Variants in ZGRF1 observed in about 807,000 individuals in gnomAD.
ZGRF1 encodes 5'-3' DNA helicase ZGRF1.
In ZGRF1, 196 loss-of-function variants were observed where a neutral mutation model predicts 203.5. The observed-to-expected ratio is 0.96, with a 90% confidence interval of 0.86 to 1.08. The LOEUF is 1.08. Among genes scored for constraint, ZGRF1 ranks in the 50% least tolerant of loss-of-function variants. The pLI, the probability that ZGRF1 is intolerant of heterozygous loss-of-function variation, is 0.00. For synonymous variants in ZGRF1, 809 were observed against 841.3 expected (o/e 0.96, Z 0.66); for missense variants, 2,326 against 2,416.3 (o/e 0.96, Z 0.78).
intron 24 of ZGRF1, 57 bp from the exon 25 acceptor site, chr4:112,541,325 G>T: frequency 1.1e-6 from 1 of 932,570 alleles, no homozygotes; most frequent in Non-Finnish European, 1.6e-6. Flanking sequence ...TCTAGGGAAA[G>T]AAAATTATAT....
intron 16 of ZGRF1, among the ~76,000 whole-genome samples, chr4:112,570,234 C>T (rs1040458157): frequency 6.6e-6 from 1 of 151,986 alleles, no homozygotes; most frequent in African/African-American, 2.4e-5. Context: ...TTGTACTATG[C>T]CATTAAAAAA....
chr4:112,619,875 C>G (rs569455498), intron 5 of ZGRF1, 127 bp downstream of exon 5: 6 of 909,870 alleles, frequency 6.6e-6, no homozygotes, highest in African/African-American at 3.4e-5. Context: ...GGGTTTACTT[C>G]CTTTCTACCT....
chr4:112,556,770 A>C (rs1042412360), intron 20 of ZGRF1, among the ~76,000 whole-genome samples: 3 of 152,248 alleles, frequency 2.0e-5, no homozygotes, highest in Non-Finnish European at 4.4e-5. Flanking sequence ...TATATTTAAA[A>C]ATCTGTAAAT....
Position 112,549,113 on chromosome 4 carries a change from C to CAAAAAAAAAAAAA in ZGRF1, c.5347-746_5347-734dup, listed in dbSNP as rs771730607. 1.1e-3 allele frequency among the ~76,000 whole-genome samples: 18 copies of CAAAAAAAAAAAAA among 16,808 alleles called. 2 individuals carry two copies. The highest frequency in any genetic ancestry group is 1.5e-3 in the Non-Finnish European group (14 of 9,468). The allele number at this position is 16,808 out of a possible 152,430, so 11.0% of individuals were successfully genotyped here. Reference sequence around the variant, plus strand: ...TGGGCGACAGAGCGAGACTCCGTCTCAAAAAAAAAAAAAAAAATGTAAAGA... The same window carrying CAAAAAAAAAAAAA: ...TGGGCGACAGAGCGAGACTCCGTCTCAAAAAAAAAAAAAAAAAAAAAAAAAAAAAATGTAAAGA... On this transcript the variant is annotated intron_variant, in intron 22 of 27. Coordinates refer to ENST00000505019, the MANE Select transcript of ZGRF1 (RefSeq NM_018392.5).
At chr4:112,628,603 G>A (rs1384493436) in intron 3 of ZGRF1, 1 of 456,048 alleles carries the variant, frequency 2.2e-6, no homozygotes, top group East Asian at 6.9e-5. Flanking sequence ...TTAGGAAACA[G>A]TGAGATAATT....
Position 112,539,925 on chromosome 4 carries a change from A to G in ZGRF1, c.6110T>C (p.Val2037Ala). Residue 2037 changes from valine (V) to alanine (A), a missense_variant, in exon 27 of 28, where the codon GTG becomes GCG. Physicochemically the swap from Val to Ala is moderately conservative, Grantham distance 64. Transcript: ENST00000505019. Reference sequence around the variant, plus strand: ...TTTCCTCAAACAGGCTAAATTTCCCACAATCAACAAATGCCTCTTTCCTCT... The same window carrying G: ...TTTCCTCAAACAGGCTAAATTTCCCGCAATCAACAAATGCCTCTTTCCTCT... Reference protein sequence around the residue: ...LTRGKRHLLIVGNLACLRKNQ... With the variant: ...LTRGKRHLLIAGNLACLRKNQ... 6.2e-7 allele frequency: 1 copy of G among 1,613,878 alleles called. No individual in the cohort carries two copies. Among genetic ancestry groups the G allele is most frequent in the African/African-American group, 1.3e-5 (1 of 75,048 alleles).
At chr4:112,609,256 T>C (rs1274315824) in intron 8 of ZGRF1, 123 bp downstream of exon 8, 5 of 305,756 alleles carry the variant, frequency 1.6e-5, no homozygotes, top group East Asian at 6.8e-5. Context: ...GGTTTTACCA[T>C]GTTAGCCAGG....
intron 7 of ZGRF1, 50 bp from the exon 8 acceptor site, chr4:112,609,479 T>C: frequency 9.8e-7 from 1 of 1,018,990 alleles, no homozygotes. Flanking sequence ...AATAATAATT[T>C]AGAAAACAAA....
At chr4:112,634,899 T>C (rs2047532327) in intron 1 of ZGRF1, among the ~76,000 whole-genome samples, 3 of 151,802 alleles carry the variant, frequency 2.0e-5, no homozygotes, top group African/African-American at 7.3e-5. Context: ...TGGGAGGCCA[T>C]GGCGGGTGGA....
intron 2 of ZGRF1, among the ~76,000 whole-genome samples, 157 bp from the exon 3 acceptor site, chr4:112,632,167 A>G (rs1021271796): frequency 3.9e-5 from 6 of 152,180 alleles, no homozygotes; most frequent in Non-Finnish European, 7.3e-5. Flanking sequence ...TAAAAACAAA[A>G]GCACAGATAG....
intron 7 of ZGRF1, among the ~76,000 whole-genome samples, chr4:112,611,905 C>T (rs1243543352): frequency 1.3e-5 from 2 of 151,446 alleles, no homozygotes; most frequent in Non-Finnish European, 2.9e-5. Context: ...TAATCTATTC[C>T]AAGGTTTGAG....
chr4:112,621,692 A>G (rs1252028500), intron 4 of ZGRF1, among the ~76,000 whole-genome samples: 1 of 150,994 alleles, frequency 6.6e-6, no homozygotes, highest in Non-Finnish European at 1.5e-5. Context: ...TTGAAAATAT[A>G]CAAACTCTAT....
chr4:112,584,978 A>G (rs1746920518), intron 14 of ZGRF1, among the ~76,000 whole-genome samples: 1 of 152,250 alleles, frequency 6.6e-6, no homozygotes, highest in South Asian at 2.1e-4. Flanking sequence ...TACATGGTAG[A>G]CTAGTTTCAA....
chr4:112,633,062 T>C, intron 2 of ZGRF1, 94 bp downstream of exon 2: 1 of 1,149,068 alleles, frequency 8.7e-7, no homozygotes, highest in Non-Finnish European at 1.3e-6. Flanking sequence ...TTTTGCTAAA[T>C]CTGGCAACAC....
intron 4 of ZGRF1, among the ~76,000 whole-genome samples, chr4:112,621,998 G>A (rs992676869): frequency 2.0e-5 from 3 of 151,550 alleles, no homozygotes; most frequent in Admixed American, 2.0e-4. Context: ...AAAGTGCTGG[G>A]ATTACAGGCG....
At chr4:112,567,861 C>T (rs114055169) in intron 16 of ZGRF1, among the ~76,000 whole-genome samples, 1,891 of 151,988 alleles carry the variant, frequency 0.012, 34 homozygotes, top group African/African-American at 0.041. Flanking sequence ...AGGAGGTCAA[C>T]GCTGCAGTGA....
rs754238189 is a variant in ZGRF1, at chr4:112,618,096, T to C, written c.1946A>G (p.Lys649Arg). 10 of 1,613,842 alleles carry C rather than the reference T, an allele frequency of 6.2e-6. No individual in the cohort carries two copies. The highest frequency in any genetic ancestry group is 6.8e-6 in the Non-Finnish European group (8 of 1,179,926). Residue 649 changes from lysine (K) to arginine (R), a missense_variant, in exon 6 of 28, where the codon AAG becomes AGG. Transcript: ENST00000505019. Reference protein sequence around the residue: ...SDTLSNFESFKWTDAVYGDNK... With the variant: ...SDTLSNFESFRWTDAVYGDNK... ...ATCTCCGTATACAGCATCAGTCCACTTGAAAGATTCAAAATTGCTTAATGT... is the reference window on the plus strand; with the variant it reads ...ATCTCCGTATACAGCATCAGTCCACCTGAAAGATTCAAAATTGCTTAATGT...
At chr4:112,544,547 G>A (rs1392940163) in intron 24 of ZGRF1, among the ~76,000 whole-genome samples, 1 of 152,164 alleles carries the variant, frequency 6.6e-6, no homozygotes, top group African/African-American at 2.4e-5. Context: ...TCCCAGAGAA[G>A]GGATACTCTT....
intron 22 of ZGRF1, among the ~76,000 whole-genome samples, chr4:112,551,715 A>G (rs1739992176): frequency 6.6e-6 from 1 of 152,180 alleles, no homozygotes; most frequent in Non-Finnish European, 1.5e-5. Context: ...CATTTTATTT[A>G]ATTTCTGGCA....
Sources: gnomAD v4.1 joint callset for allele counts (sites outside exome capture counted in the v4.1 genomes callset) on GRCh38, gnomAD v4.1.1 for gene constraint, MANE v1.5 for transcripts, NCBI Gene and HGNC (gene_info 2026-07-23, HGNC 2026-07-21) for gene names.